The following PTPRD variants were observed in gnomAD, a reference collection of about 807,000 sequenced individuals.
PTPRD encodes receptor-type tyrosine-protein phosphatase delta.
PTPRD carries 34 observed loss-of-function variants against 214.5 expected under a neutral mutation model. The observed-to-expected ratio is 0.16, with a 90% CI of 0.12 to 0.21. The LOEUF is 0.21. Among genes scored for constraint, PTPRD ranks in the 10% least tolerant of loss-of-function variants. The pLI, the probability that PTPRD is intolerant of heterozygous loss-of-function variation, is 1.00. For missense variants in PTPRD, 2,545 were observed against 2,398.7 expected (o/e 1.06, Z -1.27); for synonymous variants, 1,128 against 845.7 (o/e 1.33, Z -5.79).
At chr9:8,318,451 A>ATGTT (rs977024724) in intron 45 of PTPRD, among the ~76,000 whole-genome samples, 5 of 152,080 alleles carry the variant, frequency 3.3e-5, no homozygotes, top group African/African-American at 1.2e-4. Flanking sequence ...TTAAAAAATT[A>ATGTT]TGTTTGGACA....
At chr9:10,462,872 G>A (rs1446741981) in intron 2 of PTPRD, among the ~76,000 whole-genome samples, 4 of 150,846 alleles carry the variant, frequency 2.7e-5, no homozygotes, top group African/African-American at 4.9e-5. Flanking sequence ...ATTAATTATT[G>A]TATATAATTA....
chr9:8,824,538 T>C (rs535011499), intron 11 of PTPRD, among the ~76,000 whole-genome samples: 2 of 152,348 alleles, frequency 1.3e-5, no homozygotes, highest in African/African-American at 4.8e-5. Flanking sequence ...TTCAGTAAGC[T>C]TGTTTTGTAT....
rs150481415 is a variant in PTPRD, at chr9:9,367,001, A to T, written c.-203+30448T>A. 1.9e-3 allele frequency among the ~76,000 whole-genome samples: 289 copies of T among 151,658 alleles called. 1 individual carries two copies. The highest frequency in any genetic ancestry group is 6.4e-3 in the African/African-American group (265 of 41,490). ...CTGCGAAATTTGGTAGTAAAATGAA[A>T]CAAATCTCAGGATATTGTAATACAT... On this transcript the variant is annotated intron_variant, in intron 9 of 45. Coordinates refer to ENST00000381196, the MANE Select transcript of PTPRD (RefSeq NM_002839.4).
chr9:8,591,038 T>C (rs2094061721), intron 14 of PTPRD, among the ~76,000 whole-genome samples: 1 of 152,126 alleles, frequency 6.6e-6, no homozygotes, highest in Non-Finnish European at 1.5e-5. Flanking sequence ...TGTGATCCTT[T>C]TTCATCTTCA....
intron 7 of PTPRD, among the ~76,000 whole-genome samples, chr9:9,660,710 G>GTTATATATATATATATATATAA (rs2096606482): frequency 6.6e-6 from 1 of 151,910 alleles, no homozygotes; most frequent in African/African-American, 2.4e-5. Flanking sequence ...GTTCAGATAT[G>GTTATATATATATATATATATAA]CATATATAAC....
At chr9:10,557,207 G>C (rs2062806779) in intron 2 of PTPRD, among the ~76,000 whole-genome samples, 1 of 152,074 alleles carries the variant, frequency 6.6e-6, no homozygotes, top group South Asian at 2.1e-4. Flanking sequence ...GAATTTCATA[G>C]ATATTGTAAA....
chr9:9,080,004 C>T (rs1046497588), intron 10 of PTPRD, among the ~76,000 whole-genome samples: 3 of 151,922 alleles, frequency 2.0e-5, no homozygotes, highest in Non-Finnish European at 4.4e-5. Flanking sequence ...AATGACATCC[C>T]GAACATTCTA....
chr9:9,378,081 G>A (rs919428807), intron 9 of PTPRD, among the ~76,000 whole-genome samples: 12 of 151,848 alleles, frequency 7.9e-5, no homozygotes, highest in African/African-American at 1.2e-4. Flanking sequence ...TTAAAACATC[G>A]TTATCCAAAG....
At chr9:9,760,649 CACACATAT>C (rs1280864834) in intron 6 of PTPRD, among the ~76,000 whole-genome samples, 5 of 83,454 alleles carry the variant, frequency 6.0e-5, no homozygotes, top group Admixed American at 1.2e-4. Flanking sequence ...CACACACACA[CACACATAT>C]ATATATATAT....
rs373183269 is a variant in PTPRD at position 9,657,029 on chromosome 9, A to G, written c.-287+77504T>C. Reference sequence around the variant, plus strand: ...GCATCATGTTTGATGTGTAGTATGCACTCAATAAATAACAACCACTTGAAT... The same window carrying G: ...GCATCATGTTTGATGTGTAGTATGCGCTCAATAAATAACAACCACTTGAAT... On this transcript the variant is annotated intron_variant, in intron 7 of 45. Coordinates refer to ENST00000381196, the MANE Select transcript of PTPRD (RefSeq NM_002839.4). 3.3e-5 allele frequency among the ~76,000 whole-genome samples: 5 copies of G among 152,132 alleles called. No individual in the cohort carries two copies. The East Asian group carries it at 9.6e-4, about 29-fold the overall frequency.
intron 2 of PTPRD, among the ~76,000 whole-genome samples, chr9:10,483,045 G>T (rs2099110711): frequency 6.6e-6 from 1 of 152,100 alleles, no homozygotes. Flanking sequence ...TATATTGTAA[G>T]GCTATAGTAA....
In PTPRD at chr9:10,060,564, ATT is replaced by A. The variant is rs562250842; in HGVS notation, c.-544-26776_-544-26775del. 2.1e-3 allele frequency among the ~76,000 whole-genome samples: 326 copies of A among 152,104 alleles called. 1 individual carries two copies. The highest frequency in any genetic ancestry group is 7.4e-3 in the African/African-American group (307 of 41,526). ...GAACATGACAGAAATGTGTCAAAGTATTTTTTTAATGTACATAAAAGGGAAAT... is the reference window on the plus strand; with the variant it reads ...GAACATGACAGAAATGTGTCAAAGTATTTTTAATGTACATAAAAGGGAAAT... On this transcript the variant is annotated intron_variant, in intron 3 of 45. Coordinates refer to ENST00000381196, the MANE Select transcript of PTPRD (RefSeq NM_002839.4).
chr9:9,520,268 T>C (rs895571179), intron 8 of PTPRD, among the ~76,000 whole-genome samples: 2 of 144,708 alleles, frequency 1.4e-5, no homozygotes, highest in Non-Finnish European at 1.5e-5. Flanking sequence ...CTAAAAGTTA[T>C]ATATATATAT....
chr9:8,697,673 T>TTGCC (rs1005797812), intron 12 of PTPRD, among the ~76,000 whole-genome samples: 3 of 151,738 alleles, frequency 2.0e-5, no homozygotes, highest in Admixed American at 1.3e-4. Context: ...TCCACCTGCC[T>TTGCC]TGGCCTCTCA....
intron 5 of PTPRD, among the ~76,000 whole-genome samples, chr9:9,900,941 T>G (rs1293257248): frequency 1.3e-5 from 2 of 152,118 alleles, no homozygotes; most frequent in Non-Finnish European, 2.9e-5. Flanking sequence ...TGGTGCCAAT[T>G]TTATGTATTA....
intron 4 of PTPRD, among the ~76,000 whole-genome samples, chr9:9,987,590 A>T (rs368993193): frequency 6.6e-6 from 1 of 152,170 alleles, no homozygotes; most frequent in African/African-American, 2.4e-5. Context: ...GAGCTACGAG[A>T]TGAGATTTGG....
intron 3 of PTPRD, among the ~76,000 whole-genome samples, chr9:10,259,861 C>T (rs2475334): frequency 0.14 from 21,983 of 152,076 alleles, 1,648 homozygotes; most frequent in Admixed American, 0.16. Context: ...TGACGTCACA[C>T]TTTTGAAGAT....
chr9:9,008,205 T>TTTTATTCATTTA (rs1555697459), intron 11 of PTPRD, among the ~76,000 whole-genome samples: 1 of 121,188 alleles, frequency 8.3e-6, no homozygotes, highest in Non-Finnish European at 1.7e-5. Flanking sequence ...CTCCCCTTCA[T>TTTTATTCATTTA]TTTATTTATT....
intron 2 of PTPRD, among the ~76,000 whole-genome samples, chr9:10,483,782 T>A (rs1018734563): frequency 3.5e-4 from 53 of 152,116 alleles, no homozygotes; most frequent in African/African-American, 1.2e-3. Flanking sequence ...ACAATAGATG[T>A]TGGCACGGAT....
Sources: allele counts gnomAD v4.1 joint callset (sites outside exome capture counted in the v4.1 genomes callset), GRCh38; gene constraint gnomAD v4.1.1; transcripts MANE v1.5; gene names NCBI Gene and HGNC (gene_info 2026-07-23, HGNC 2026-07-21).